Variants in SECISBP2 observed in about 807,000 individuals in gnomAD.
SECISBP2 encodes the protein selenocysteine insertion sequence-binding protein 2.
SECISBP2 carries 96 observed loss-of-function variants against 98.2 expected under a neutral mutation model. That is an observed-to-expected ratio of 0.98 (90% CI 0.83 to 1.16). The LOEUF (loss-of-function observed/expected upper bound fraction) is 1.16. Ranked by LOEUF, SECISBP2 falls within the 50% of genes most tolerant of loss-of-function variation. SECISBP2 has a pLI of 0.00. For synonymous variants in SECISBP2, 407 were observed against 370.2 expected (o/e 1.10, Z -1.14); for missense variants, 1,046 against 1,022.9 (o/e 1.02, Z -0.31).
At chr9:89,332,437 T>G (rs999142567) in intron 5 of SECISBP2, among the ~76,000 whole-genome samples, 3 of 152,204 alleles carry the variant, frequency 2.0e-5, no homozygotes, top group Admixed American at 2.0e-4. Context: ...TACAGAGTGG[T>G]TTCACTGCCC....
In SECISBP2 at chr9:89,325,511, A is replaced by G. The variant is rs1431066236; in HGVS notation, c.267A>G (p.Pro89=). The change falls in exon 3 of 17, where the codon CCA becomes CCG. Residue 89 remains proline, a synonymous_variant. Transcript: ENST00000375807. ...TATCTTCTGAGATAACTCTTCATCC[A>G]TATGCCTATTCTCCTTATACCCTTG... is the stretch of plus-strand genomic sequence containing the variant. ...QYLSSEITLH[P]YAYSPYTLDS... The G allele has an allele frequency of 6.2e-7, 1 of 1,613,754 alleles. No homozygotes were observed.
chr9:89,332,024 A>G (rs1827833111), intron 5 of SECISBP2, among the ~76,000 whole-genome samples: 1 of 152,220 alleles, frequency 6.6e-6, no homozygotes, highest in African/African-American at 2.4e-5. Flanking sequence ...TTATGTACTT[A>G]TATATTTGGA....
intron 3 of SECISBP2, 52 bp downstream of exon 3, chr9:89,325,728 TA>T (rs1418501486): frequency 6.2e-7 from 1 of 1,611,914 alleles, no homozygotes; most frequent in Non-Finnish European, 8.5e-7. Flanking sequence ...CTTTAATGTT[TA>T]AAATGTAAAG....
intron 6 of SECISBP2, chr9:89,334,260 A>C: frequency 2.7e-6 from 3 of 1,114,348 alleles, no homozygotes; most frequent in Non-Finnish European, 3.6e-6. Context: ...CTGTTTGTCT[A>C]CCCACCTCCA....
chr9:89,339,984 T>A lies in SECISBP2; in HGVS notation c.1302+31T>A, dbSNP rs761967307. Reference sequence around the variant, plus strand: ...TTTTAGATTGAAACCACAAATTGCTTTAGGCTTAACTCTTCTGGCTCAACT... The same window carrying A: ...TTTTAGATTGAAACCACAAATTGCTATAGGCTTAACTCTTCTGGCTCAACT... On this transcript the variant is annotated intron_variant, in intron 9 of 16. Transcript: ENST00000375807. 3.3e-6 allele frequency: 5 copies of A among 1,493,546 alleles called. No individual in the cohort carries two copies. The African/African-American group carries it at 6.9e-5, about 21-fold the overall frequency. The allele number at this position is 1,493,546 out of a possible 1,614,324, so 92.5% of individuals were successfully genotyped here.
chr9:89,346,575 G>T (rs115694056), intron 10 of SECISBP2, among the ~76,000 whole-genome samples: 134 of 141,854 alleles, frequency 9.4e-4, no homozygotes, highest in African/African-American at 3.1e-3. Context: ...GATCCATGCT[G>T]TATTAGACTG....
chr9:89,336,807 T>C (rs528114170), intron 7 of SECISBP2, among the ~76,000 whole-genome samples: 52 of 140,718 alleles, frequency 3.7e-4, no homozygotes, highest in African/African-American at 1.3e-3. Context: ...AGTCTTGCTC[T>C]GTCGCCCAGG....
At chr9:89,355,694 C>A in intron 14 of SECISBP2, 2 of 348,420 alleles carry the variant, frequency 5.7e-6, no homozygotes, top group Non-Finnish European at 8.1e-6. Context: ...CTTCCCACTC[C>A]AGCGTTTAAA....
intron 12 of SECISBP2, among the ~76,000 whole-genome samples, chr9:89,349,252 G>T (rs1184667530): frequency 6.6e-6 from 1 of 152,116 alleles, no homozygotes; most frequent in African/African-American, 2.4e-5. Context: ...AACTAGTTGG[G>T]GACAGTAAGC....
chr9:89,355,721 T>G (rs1295024639), intron 14 of SECISBP2: 1 of 216,324 alleles, frequency 4.6e-6, no homozygotes, highest in Non-Finnish European at 7.9e-6. Context: ...GCTTTTAAAA[T>G]TCTGTATATC....
At chr9:89,341,849 CT>C (rs1395254532) in intron 10 of SECISBP2, among the ~76,000 whole-genome samples, 1 of 152,120 alleles carries the variant, frequency 6.6e-6, no homozygotes, top group Non-Finnish European at 1.5e-5. Context: ...CTATAAAACT[CT>C]TAAAAGAAAA....
chr9:89,331,987 T>C (rs765757870), intron 5 of SECISBP2, among the ~76,000 whole-genome samples: 17 of 152,216 alleles, frequency 1.1e-4, no homozygotes, highest in Non-Finnish European at 2.1e-4. Flanking sequence ...TGAGATTTGG[T>C]TGAAGGAAGT....
downstream of SECISBP2, chr9:89,363,404 T>C (rs777809692): frequency 1.2e-6 from 2 of 1,608,240 alleles, no homozygotes; most frequent in Non-Finnish European, 1.7e-6. Flanking sequence ...CAGCCCTCCT[T>C]TCTTTGCCCG....
intron 6 of SECISBP2, among the ~76,000 whole-genome samples, chr9:89,333,759 G>C (rs1828155393): frequency 6.6e-6 from 1 of 152,196 alleles, no homozygotes; most frequent in Non-Finnish European, 1.5e-5. Context: ...CATGTACCCT[G>C]CTTTGATATT....
intron 14 of SECISBP2, among the ~76,000 whole-genome samples, chr9:89,353,218 C>CAG (rs1456909319): frequency 2.0e-5 from 3 of 152,122 alleles, no homozygotes; most frequent in Non-Finnish European, 4.4e-5. Flanking sequence ...CAGCAAGTTC[C>CAG]CAGGTGCTGT....
downstream of SECISBP2, chr9:89,362,509 C>T (rs1047458942): frequency 1.9e-6 from 3 of 1,612,188 alleles, no homozygotes; most frequent in African/African-American, 1.3e-5. Flanking sequence ...GTCTCATAGC[C>T]CATCCCAGGC....
At chr9:89,336,445 G>T (rs1025297003) in intron 7 of SECISBP2, among the ~76,000 whole-genome samples, 1 of 151,926 alleles carries the variant, frequency 6.6e-6, no homozygotes, top group African/African-American at 2.4e-5. Flanking sequence ...TATTATGTTA[G>T]CTTGAAATGT....
At chr9:89,334,367 T>C (rs911620014) in intron 6 of SECISBP2, among the ~76,000 whole-genome samples, 155 bp from the exon 7 acceptor site, 3 of 152,232 alleles carry the variant, frequency 2.0e-5, no homozygotes, top group Non-Finnish European at 4.4e-5. Context: ...AAAACAAGTT[T>C]AGTGACTACT....
intron 5 of SECISBP2, 116 bp from the exon 6 acceptor site, chr9:89,332,792 T>C: frequency 1.2e-6 from 1 of 836,704 alleles, no homozygotes; most frequent in Admixed American, 2.0e-5. Flanking sequence ...TTTTCATTCT[T>C]ACCAGCAATG....
Sources: allele counts gnomAD v4.1 joint callset (sites outside exome capture counted in the v4.1 genomes callset), GRCh38; gene constraint gnomAD v4.1.1; transcripts MANE v1.5; gene names NCBI Gene and HGNC (gene_info 2026-07-23, HGNC 2026-07-21).